Variants in ADGRE2 observed in about 807,000 individuals in gnomAD.
ADGRE2 encodes the protein adhesion G protein-coupled receptor E2.
In ADGRE2, 83 loss-of-function variants were observed where a neutral mutation model predicts 100.8. The ratio of observed to expected loss-of-function variants is 0.82; its 90% CI spans 0.69 to 0.99. The LOEUF (loss-of-function observed/expected upper bound fraction) is 0.99. Among genes scored for constraint, ADGRE2 ranks in the 50% least tolerant of loss-of-function variants. The pLI is 0.00. For synonymous variants in ADGRE2, 355 were observed against 413.0 expected (o/e 0.86, Z 1.70); for missense variants, 814 against 1,035.7 (o/e 0.79, Z 2.94).
intron 11 of ADGRE2, among the ~76,000 whole-genome samples, chr19:14,757,913 C>T (rs999552670): frequency 6.6e-6 from 1 of 152,220 alleles, no homozygotes; most frequent in Non-Finnish European, 1.5e-5. Flanking sequence ...AAGCAATTCT[C>T]CTGCCTCAGC....
rs775214778 is a variant in ADGRE2 at position 14,770,669 on chromosome 19, C to CT, written c.355+1672dup. Among the ~76,000 whole-genome samples the CT allele has an allele frequency of 4.3e-3, 366 of 84,998 alleles. 11 individuals carry two copies. The highest frequency in any genetic ancestry group is 0.011 in the African/African-American group (233 of 21,626). 55.8% of individuals were successfully genotyped at this position (84,998 alleles called of 152,430 possible). On this transcript the variant is annotated intron_variant, in intron 5 of 20. Transcript: ENST00000315576. The stretch of plus-strand genomic sequence containing the variant: ...CTTTTTCTTTTTGTTTCTTTCTTTT[C>CT]TTTTTTTTTTTTTTTTTTTTTTTTT...
downstream of ADGRE2, chr19:14,731,526 C>G: frequency 3.4e-6 from 1 of 296,528 alleles, no homozygotes; most frequent in Non-Finnish European, 6.2e-6. Context: ...CACAGTGGAC[C>G]CCCACGGTGG....
chr19:14,740,404 C>T (rs113401471), intron 20 of ADGRE2, among the ~76,000 whole-genome samples: 12,850 of 151,838 alleles, frequency 0.085, 1,874 homozygotes, highest in African/African-American at 0.29. Context: ...GGCAGATCAC[C>T]TGAGGTCGGG....
intron 5 of ADGRE2, among the ~76,000 whole-genome samples, chr19:14,768,179 TGA>T (rs2044062816): frequency 6.6e-6 from 1 of 152,088 alleles, no homozygotes; most frequent in African/African-American, 2.4e-5. Flanking sequence ...ACACTAGCTC[TGA>T]GAGCCCAGCT....
chr19:14,770,248 G>T (rs1048407291), intron 5 of ADGRE2, among the ~76,000 whole-genome samples: 4 of 152,024 alleles, frequency 2.6e-5, no homozygotes, highest in African/African-American at 9.7e-5. Flanking sequence ...ACTGCTTGTT[G>T]GAAAAAGCCT....
intron 20 of ADGRE2, among the ~76,000 whole-genome samples, chr19:14,742,263 T>C (rs1001323535): frequency 6.6e-6 from 1 of 152,178 alleles, no homozygotes; most frequent in African/African-American, 2.4e-5. Flanking sequence ...AGAAGAGGTC[T>C]TGCTGTCATC....
At chr19:14,754,580 A>C (rs1211778532) in intron 14 of ADGRE2, among the ~76,000 whole-genome samples, 1 of 152,170 alleles carries the variant, frequency 6.6e-6, no homozygotes, top group Non-Finnish European at 1.5e-5. Context: ...TGTCCTCCAG[A>C]TAGGAATGCT....
At chr19:14,774,446 T>C (rs1255236433) in intron 2 of ADGRE2, 140 bp from the exon 3 acceptor site, 9 of 1,460,604 alleles carry the variant, frequency 6.2e-6, no homozygotes, top group Non-Finnish European at 7.4e-6. Flanking sequence ...AGTGAGCAGA[T>C]GTCACGTCCC....
At position 14,756,456 on chromosome 19, in the gene ADGRE2, C is replaced by T. The variant is rs1017780576; in HGVS notation, c.1085-111G>A. ...TATATACATATATAGTCTGAAGTTA[C>T]AAAATATCGGAAGAGAATAGTGTGA... On this transcript the variant is annotated intron_variant, in intron 11 of 20. Coordinates refer to ENST00000315576, the MANE Select transcript of ADGRE2 (RefSeq NM_013447.4). 7 of 718,404 alleles carry T rather than the reference C, an allele frequency of 9.7e-6. No homozygotes were observed. The Admixed American group carries it at 1.5e-4, about 16-fold the overall frequency. The allele number at this position is 718,404 out of a possible 1,614,324, so 44.5% of individuals were successfully genotyped here. A position where few individuals can be genotyped will look rare whatever the true frequency, so the allele number is the denominator to read the frequency against.
At chr19:14,731,910 C>T (rs928745327), downstream of ADGRE2, 2 of 152,030 alleles carry the variant, frequency 1.3e-5, no homozygotes, top group Non-Finnish European at 2.9e-5. Flanking sequence ...ATCAGCTGAC[C>T]CTAGAGTTTC....
intron 4 of ADGRE2, among the ~76,000 whole-genome samples, chr19:14,773,296 T>C (rs1881205449): frequency 6.7e-6 from 1 of 148,566 alleles, no homozygotes; most frequent in Admixed American, 6.7e-5. Flanking sequence ...CTCCCTTCCT[T>C]CCTTCCTTCT....
At chr19:14,777,657 C>A (rs2044487208) in intron 1 of ADGRE2, among the ~76,000 whole-genome samples, 1 of 150,956 alleles carries the variant, frequency 6.6e-6, no homozygotes, top group Non-Finnish European at 1.5e-5. Flanking sequence ...CCCCCACCCC[C>A]CGACAGGCCC....
rs182635939 is a variant in ADGRE2, at chr19:14,752,040, T to C, written c.1788+289A>G. 2.2e-3 allele frequency among the ~76,000 whole-genome samples: 331 copies of C among 151,842 alleles called. 2 individuals carry two copies. Among genetic ancestry groups the C allele is most frequent in the African/African-American group, 7.8e-3 (323 of 41,418 alleles). On this transcript the variant is annotated intron_variant, in intron 15 of 20. Coordinates refer to ENST00000315576, the MANE Select transcript of ADGRE2 (RefSeq NM_013447.4). The stretch of plus-strand genomic sequence containing the variant: ...CCTCCACCTCCTGGGTTCAAGAGAT[T>C]CTCTTGCCTCAGCCTCCTGAGTAAC...
At chr19:14,747,595 A>G (rs1372012343) in intron 16 of ADGRE2, among the ~76,000 whole-genome samples, 1 of 152,156 alleles carries the variant, frequency 6.6e-6, no homozygotes, top group Admixed American at 6.5e-5. Flanking sequence ...ATTTGATATC[A>G]GGAGTTTGAG....
the ADGRE2 span, among the ~76,000 whole-genome samples, chr19:14,727,109 G>C: frequency 7.5e-6 from 1 of 132,512 alleles, no homozygotes; most frequent in Non-Finnish European, 1.5e-5. Context: ...CTCACTACAA[G>C]CTCCGCCTCC....
At chr19:14,753,708 C>A (rs1599825778) in intron 14 of ADGRE2, among the ~76,000 whole-genome samples, 1 of 151,938 alleles carries the variant, frequency 6.6e-6, no homozygotes, top group East Asian at 1.9e-4. Context: ...GCAGGAGGAT[C>A]CCTTGAACCC....
In ADGRE2 at chr19:14,764,529, CCA is replaced by C. The variant is rs1167756899; in HGVS notation, c.986_987del (p.Val329GlyfsTer67). Reference protein sequence around the residue: ...ETLPRLQQHCVASHLLDGLED... With the variant: ...ETLPRLQQHCXASHLLDGLED... ...TCTAGGCCATCCAGCAGGTGACTGG[CCA>C]CACAGTGCTGCTGTAAGCGGGGCAG... On this transcript the variant is annotated frameshift_variant, in exon 11 of 21. Coordinates refer to ENST00000315576, the MANE Select transcript of ADGRE2 (RefSeq NM_013447.4). LOFTEE classifies it high-confidence loss of function. 1 of 1,613,046 alleles carries C rather than the reference CCA, an allele frequency of 6.2e-7. No individual in the cohort carries two copies. Among genetic ancestry groups the C allele is most frequent in the East Asian group, 2.2e-5 (1 of 44,880 alleles).
chr19:14,776,675 C>T (rs764595254), intron 2 of ADGRE2, 51 bp downstream of exon 2: 11 of 1,580,420 alleles, frequency 7.0e-6, no homozygotes, highest in Non-Finnish European at 9.5e-6. Context: ...TCCAAGGGGT[C>T]CCGCTGGAGC....
intron 20 of ADGRE2, among the ~76,000 whole-genome samples, chr19:14,742,473 T>A (rs535785750): frequency 6.6e-6 from 1 of 152,200 alleles, no homozygotes; most frequent in South Asian, 2.1e-4. Context: ...CTCAAGCAGT[T>A]GTCCTGCCTC....
Sources: allele counts gnomAD v4.1 joint callset (sites outside exome capture counted in the v4.1 genomes callset), GRCh38; gene constraint gnomAD v4.1.1; transcripts MANE v1.5; gene names NCBI Gene and HGNC (gene_info 2026-07-23, HGNC 2026-07-21).